Variants in PLXNA4 observed in about 807,000 individuals in gnomAD.
PLXNA4 encodes plexin-A4.
In PLXNA4, 44 loss-of-function variants were observed where a neutral mutation model predicts 191.8. The ratio of observed to expected loss-of-function variants is 0.23; its 90% CI spans 0.18 to 0.29. The LOEUF (loss-of-function observed/expected upper bound fraction) is 0.29. PLXNA4 is among the 10% of genes least tolerant of loss of function. The probability of loss-of-function intolerance (pLI) is 1.00; values close to 1 mark genes in which losing one functional copy is unlikely to be tolerated. For missense variants in PLXNA4, 1,800 were observed against 2,488.8 expected, an observed-to-expected ratio of 0.72 and a Z score of 5.89; for synonymous variants, 1,082 against 1,009.5, an observed-to-expected ratio of 1.07 and a Z score of -1.36.
intron 31 of PLXNA4, among the ~76,000 whole-genome samples, chr7:132,132,453 TTCTGTTCTGTTCTGCTCTGCTCTGC>T (rs1350844449): frequency 3.9e-4 from 22 of 57,134 alleles, no homozygotes; most frequent in African/African-American, 1.1e-3. Flanking sequence ...TTCTGTTCTG[TTCTGTTCTGTTCTGCTCTGCTCTGC>T]TCTGCTCTGC....
intron 17 of PLXNA4, 87 bp from the exon 18 acceptor site, chr7:132,181,707 A>G: frequency 1.9e-6 from 3 of 1,540,168 alleles, no homozygotes; most frequent in Non-Finnish European, 2.6e-6. Context: ...CCTGGATGTC[A>G]TCGGGATAGC....
chr7:132,364,219 A>G (rs1053172380), intron 3 of PLXNA4, among the ~76,000 whole-genome samples: 4 of 152,246 alleles, frequency 2.6e-5, no homozygotes, highest in Non-Finnish European at 4.4e-5. Context: ...GGAGGAAGCC[A>G]TTCACATTTT....
intron 2 of PLXNA4, among the ~76,000 whole-genome samples, chr7:132,626,825 C>T (rs1457603717): frequency 1.3e-5 from 2 of 152,166 alleles, no homozygotes; most frequent in African/African-American, 4.8e-5. Context: ...TGCATCTCAG[C>T]CCAACCCAGG....
chr7:132,314,634 C>G (rs1801874054), intron 3 of PLXNA4, among the ~76,000 whole-genome samples: 2 of 152,198 alleles, frequency 1.3e-5, no homozygotes, highest in African/African-American at 2.4e-5. Context: ...CAGGTTGTTA[C>G]TCTGGGGTTC....
chr7:132,597,857 C>CTATATATATA (rs372984088), intron 2 of PLXNA4, among the ~76,000 whole-genome samples: 6 of 58,100 alleles, frequency 1.0e-4, no homozygotes, highest in Non-Finnish European at 2.6e-4. Context: ...CTCTCTCTCT[C>CTATATATATA]TCTATATATA....
chr7:132,405,677 G>A (rs184941143), intron 3 of PLXNA4, among the ~76,000 whole-genome samples: 15 of 152,328 alleles, frequency 9.8e-5, no homozygotes, highest in Middle Eastern at 3.4e-3. Context: ...GCAGAGCCAG[G>A]TGGTATTTCT....
intron 2 of PLXNA4, among the ~76,000 whole-genome samples, chr7:132,630,765 C>T (rs1702536096): frequency 6.6e-6 from 1 of 152,220 alleles, no homozygotes; most frequent in Non-Finnish European, 1.5e-5. Context: ...CCCACCTCGG[C>T]CTCCCAAATA....
chr7:132,179,577 G>C, intron 20 of PLXNA4, 110 bp downstream of exon 20: 1 of 1,472,024 alleles, frequency 6.8e-7, no homozygotes, highest in Non-Finnish European at 9.1e-7. Context: ...CTGCTGCCCA[G>C]CCTGCTTGTT....
intron 25 of PLXNA4, 103 bp from the exon 26 acceptor site, chr7:132,148,749 G>C: frequency 6.6e-7 from 1 of 1,522,228 alleles, no homozygotes; most frequent in East Asian, 2.3e-5. Context: ...TCAAGGGTGT[G>C]TCCATTGCAA....
At chr7:132,288,279 A>C (rs1800757401) in intron 4 of PLXNA4, among the ~76,000 whole-genome samples, 1 of 152,116 alleles carries the variant, frequency 6.6e-6, no homozygotes, top group South Asian at 2.1e-4. Flanking sequence ...TACAGTGGAC[A>C]ATTCAGCACC....
chr7:132,493,561 A>T (rs375672718), intron 2 of PLXNA4, among the ~76,000 whole-genome samples: 19 of 152,234 alleles, frequency 1.2e-4, no homozygotes, highest in African/African-American at 4.6e-4. Flanking sequence ...ATGGGGTACA[A>T]ATTAAGATGG....
intron 1 of PLXNA4, among the ~76,000 whole-genome samples, chr7:132,538,186 C>T (rs1322662874): frequency 6.6e-6 from 1 of 152,234 alleles, no homozygotes; most frequent in Non-Finnish European, 1.5e-5. Context: ...CGAGCACCTG[C>T]ACCACCTTCC....
intron 3 of PLXNA4, among the ~76,000 whole-genome samples, chr7:132,428,526 G>T (rs1795137269): frequency 1.3e-5 from 2 of 152,214 alleles, no homozygotes; most frequent in African/African-American, 4.8e-5. Context: ...GGGCCCGAGA[G>T]CAGGCGGGAG....
intron 9 of PLXNA4, among the ~76,000 whole-genome samples, 186 bp from the exon 10 acceptor site, chr7:132,211,329 G>A (rs540001092): frequency 1.4e-4 from 21 of 152,350 alleles, no homozygotes; most frequent in African/African-American, 4.3e-4. Flanking sequence ...TGAGGAATCC[G>A]AAGTCCTAGT....
intron 2 of PLXNA4, among the ~76,000 whole-genome samples, chr7:132,601,172 G>C (rs1350682960): frequency 2.0e-5 from 3 of 151,794 alleles, no homozygotes; most frequent in East Asian, 1.9e-4. Flanking sequence ...CACATGGGAG[G>C]GTTCAGTAAA....
chr7:132,138,478 T>C (rs1795177008), intron 30 of PLXNA4, among the ~76,000 whole-genome samples: 1 of 152,172 alleles, frequency 6.6e-6, no homozygotes, highest in Non-Finnish European at 1.5e-5. Context: ...ATACCTCCTC[T>C]GGGAGTGGGA....
upstream of PLXNA4, among the ~76,000 whole-genome samples, chr7:132,582,091 A>C (rs546977710): frequency 6.6e-6 from 1 of 152,164 alleles, no homozygotes; most frequent in African/African-American, 2.4e-5. Context: ...TCTTGGGGTT[A>C]AGTCCTGGGA....
intron 1 of PLXNA4, among the ~76,000 whole-genome samples, chr7:132,646,305 C>T (rs1320257749): frequency 6.6e-6 from 1 of 152,146 alleles, no homozygotes; most frequent in African/African-American, 2.4e-5. Flanking sequence ...CCTCCTCCAC[C>T]CTCAGTCTCT....
intron 9 of PLXNA4, among the ~76,000 whole-genome samples, chr7:132,219,529 A>G (rs1214180770): frequency 6.6e-6 from 1 of 152,210 alleles, no homozygotes; most frequent in African/African-American, 2.4e-5. Context: ...GCTTAGGGTA[A>G]TGAAGAATGA....
Sources: allele counts gnomAD v4.1 joint callset (sites outside exome capture counted in the v4.1 genomes callset), GRCh38; gene constraint gnomAD v4.1.1; transcripts MANE v1.5; gene names NCBI Gene and HGNC (gene_info 2026-07-23, HGNC 2026-07-21).